Variants in SLC13A4 observed in about 807,000 individuals in gnomAD.
SLC13A4 encodes the protein solute carrier family 13 member 4.
In SLC13A4, 28 loss-of-function variants were observed where a neutral mutation model predicts 72.7. The ratio of observed to expected loss-of-function variants is 0.39; its 90% CI spans 0.29 to 0.53. SLC13A4 has a LOEUF of 0.53. Ranked by LOEUF, SLC13A4 falls within the 20% of genes least tolerant of loss-of-function variation. The pLI, the probability that SLC13A4 is intolerant of heterozygous loss-of-function variation, is 0.78. For synonymous variants in SLC13A4, 312 were observed against 325.5 expected (o/e 0.96, Z 0.45); for missense variants, 653 against 788.0 (o/e 0.83, Z 2.05).
chr7:135,691,264 C>A lies in SLC13A4; in HGVS notation c.1383G>T (p.Lys461Asn). 6.2e-7 allele frequency: 1 copy of A among 1,613,704 alleles called. No individual in the cohort carries two copies. The highest frequency in any genetic ancestry group is 8.5e-7 in the Non-Finnish European group (1 of 1,179,846). The change falls in exon 13 of 16, where the codon AAG becomes AAT. Residue 461 changes from lysine to asparagine, a missense_variant. Coordinates refer to ENST00000682651, the MANE Select transcript of SLC13A4 (RefSeq NM_001318192.2). The part of the protein sequence containing the change: ...EPIITWKDFQ[K>N]TMPWEIVILV... Reference sequence around the variant, plus strand: ...GAATGACAATCTCCCAGGGCATGGTCTTCTGGAAGTCCTTCCACGTGATGA... The same window carrying A: ...GAATGACAATCTCCCAGGGCATGGTATTCTGGAAGTCCTTCCACGTGATGA...
intron 7 of SLC13A4, among the ~76,000 whole-genome samples, chr7:135,699,876 G>C (rs3112340): frequency 0.65 from 98,814 of 152,058 alleles, 32,593 homozygotes; most frequent in East Asian, 0.88. Context: ...GACAGCATGG[G>C]TTTTTATTTG....
chr7:135,681,454 G>A lies in SLC13A4; in HGVS notation c.*109C>T. ...TGGTGGAGGGATGCCCTCCGGCGTGGGTCTGGGGTTGTGTGCTCCTGGTGG... is the reference window on the plus strand; with the variant it reads ...TGGTGGAGGGATGCCCTCCGGCGTGAGTCTGGGGTTGTGTGCTCCTGGTGG... On this transcript the variant is annotated 3_prime_UTR_variant, in exon 16 of 16. Transcript: ENST00000682651. 2.2e-6 allele frequency: 3 copies of A among 1,393,128 alleles called. No homozygotes were observed. Among genetic ancestry groups the A allele is most frequent in the East Asian group, 4.7e-5 (2 of 42,918 alleles). The allele number at this position is 1,393,128 out of a possible 1,614,324, so 86.3% of individuals were successfully genotyped here.
chr7:135,682,386 A>C (rs1490041515), intron 15 of SLC13A4, among the ~76,000 whole-genome samples: 1 of 152,238 alleles, frequency 6.6e-6, no homozygotes, highest in Non-Finnish European at 1.5e-5. Context: ...AGATGGAAAA[A>C]TGTGTCCTGT....
chr7:135,721,684 A>G (rs1421379384), intron 1 of SLC13A4, among the ~76,000 whole-genome samples, 161 bp from the exon 2 acceptor site: 1 of 152,216 alleles, frequency 6.6e-6, no homozygotes, highest in Non-Finnish European at 1.5e-5. Flanking sequence ...CATGGTGAAT[A>G]CATGGTGAGT....
chr7:135,702,557 G>A (rs1796062450), intron 6 of SLC13A4: 1 of 327,280 alleles, frequency 3.1e-6, no homozygotes, highest in Non-Finnish European at 5.8e-6. Context: ...TGTATTTTTA[G>A]TACAGGCGGG....
At chr7:135,692,454 G>A (rs972895985) in intron 10 of SLC13A4, 30 bp from the exon 11 acceptor site, 14 of 1,508,284 alleles carry the variant, frequency 9.3e-6, no homozygotes, top group Non-Finnish European at 1.3e-5. Flanking sequence ...GACCCACTCA[G>A]GAACTGAGAA....
intron 2 of SLC13A4, among the ~76,000 whole-genome samples, chr7:135,719,833 C>CCA (rs1186388767): frequency 4.7e-5 from 6 of 126,806 alleles, no homozygotes; most frequent in African/African-American, 1.2e-4. Flanking sequence ...GTGTGTATAG[C>CCA]CACACACACG....
At chr7:135,705,567 G>T (rs1403655114) in intron 5 of SLC13A4, 29 bp downstream of exon 5, 2 of 1,609,390 alleles carry the variant, frequency 1.2e-6, no homozygotes, top group South Asian at 1.1e-5. Flanking sequence ...TCTGAGAGGC[G>T]CTGTCTGGGA....
At chr7:135,701,833 A>G (rs899634790) in intron 6 of SLC13A4, 73 bp from the exon 7 acceptor site, 19 of 1,461,238 alleles carry the variant, frequency 1.3e-5, no homozygotes, top group Middle Eastern at 3.6e-4. Flanking sequence ...AGGACCACCT[A>G]GTCATCCCAG....
intron 8 of SLC13A4, among the ~76,000 whole-genome samples, chr7:135,698,713 C>T (rs1368600500): frequency 1.3e-5 from 2 of 150,132 alleles, no homozygotes; most frequent in Non-Finnish European, 2.9e-5. Context: ...TGGCTCACTG[C>T]AACCTCTGCT....
chr7:135,692,541 T>C lies in SLC13A4; in HGVS notation c.1122-117A>G, dbSNP rs1169253933. 18 of 670,860 alleles carry C rather than the reference T, an allele frequency of 2.7e-5. No individual in the cohort carries two copies. In the East Asian group the frequency reaches 4.9e-4, roughly 18 times the overall value. 41.6% of individuals were successfully genotyped at this position (670,860 alleles called of 1,614,324 possible). ...TCAATACCCTAGACATAAAACACAC[T>C]CACTGCCTAACCACTATGAATGGCT... On this transcript the variant is annotated intron_variant, in intron 10 of 15. Transcript: ENST00000682651.
chr7:135,701,965 G>C (rs1207102060), intron 6 of SLC13A4: 7 of 506,004 alleles, frequency 1.4e-5, no homozygotes. Context: ...CACTTGAAGA[G>C]GCTTTGAAAC....
At chr7:135,688,882 T>A (rs1795704770) in intron 13 of SLC13A4, 1 of 152,070 alleles carries the variant, frequency 6.6e-6, no homozygotes, top group South Asian at 2.1e-4. Context: ...GTTTTTGTTC[T>A]TGTTTTTTGT....
chr7:135,722,948 C>T (rs1796578402), intron 1 of SLC13A4, among the ~76,000 whole-genome samples: 1 of 152,190 alleles, frequency 6.6e-6, no homozygotes, highest in African/African-American at 2.4e-5. Flanking sequence ...AACCTTCGTA[C>T]TACTGACATT....
intron 2 of SLC13A4, among the ~76,000 whole-genome samples, chr7:135,713,879 C>G (rs1164033820): frequency 6.6e-6 from 1 of 152,206 alleles, no homozygotes; most frequent in African/African-American, 2.4e-5. Context: ...CCAGCCTCAT[C>G]TGAACAATTT....
chr7:135,691,217 A>G lies in SLC13A4; in HGVS notation c.1430T>C (p.Leu477Pro). The G allele has an allele frequency of 6.3e-7, 1 of 1,598,156 alleles. No homozygotes were observed. Among genetic ancestry groups the G allele is most frequent in the Non-Finnish European group, 8.5e-7 (1 of 1,175,166 alleles). ...AAGAATTACCTTGCTACCAGAAGCC[A>G]GAGCATAGCCTCCCCCAACCAGAAT... The part of the protein sequence containing the change: ...IVILVGGGYA[L>P]ASGSKSSGLS... Residue 477 changes from leucine (L) to proline (P), a missense_variant, in exon 13 of 16, where the codon CTG becomes CCG. Transcript: ENST00000682651.
intron 2 of SLC13A4, among the ~76,000 whole-genome samples, chr7:135,710,752 C>G (rs1187642522): frequency 1.3e-5 from 2 of 152,220 alleles, no homozygotes; most frequent in Non-Finnish European, 1.5e-5. Context: ...GCCCTATGGA[C>G]ATTTCATTGC....
At chr7:135,688,762 C>A (rs1795699429) in intron 13 of SLC13A4, 1 of 152,110 alleles carries the variant, frequency 6.6e-6, no homozygotes, top group Admixed American at 6.5e-5. Flanking sequence ...GTAGGAATCA[C>A]ATATATGCTA....
At chr7:135,722,491 G>A (rs1796569220) in intron 1 of SLC13A4, among the ~76,000 whole-genome samples, 1 of 151,824 alleles carries the variant, frequency 6.6e-6, no homozygotes, top group Non-Finnish European at 1.5e-5. Flanking sequence ...ATACCAGGGG[G>A]ATCAGCAAGG....
Sources: allele counts gnomAD v4.1 joint callset (sites outside exome capture counted in the v4.1 genomes callset), GRCh38; gene constraint gnomAD v4.1.1; transcripts MANE v1.5; gene names NCBI Gene and HGNC (gene_info 2026-07-23, HGNC 2026-07-21).